Variants in UTRN observed in about 807,000 individuals in gnomAD.
UTRN encodes the protein dystrophin-related protein 1.
Under a neutral mutation model 463.9 loss-of-function variants are expected in UTRN, and 283 were observed. The observed-to-expected ratio is 0.61, with a 90% CI of 0.55 to 0.67. The LOEUF is 0.67. Among genes scored for constraint, UTRN ranks in the 30% least tolerant of loss-of-function variants. The pLI is 0.00. For missense variants in UTRN, 3,922 were observed against 4,084.3 expected, an observed-to-expected ratio of 0.96 and a Z score of 1.08; for synonymous variants, 1,442 against 1,431.5, an observed-to-expected ratio of 1.01 and a Z score of -0.17.
intron 39 of UTRN, among the ~76,000 whole-genome samples, chr6:144,518,708 T>C (rs1288529674): frequency 6.6e-6 from 1 of 152,216 alleles, no homozygotes; most frequent in Non-Finnish European, 1.5e-5. Context: ...CAGAAATTAT[T>C]ACTGGCACAA....
At chr6:144,840,906 G>C in intron 73 of UTRN, 74 bp downstream of exon 73, 1 of 1,507,032 alleles carries the variant, frequency 6.6e-7, no homozygotes, top group Non-Finnish European at 9.1e-7. Context: ...GCGGCCCTTC[G>C]CCTTCTTCCT....
intron 2 of UTRN, among the ~76,000 whole-genome samples, chr6:144,365,411 T>C (rs536070723): frequency 1.3e-5 from 2 of 152,296 alleles, no homozygotes; most frequent in African/African-American, 2.4e-5. Flanking sequence ...GAGTAGATCA[T>C]GAGGAGGAGA....
At chr6:144,494,614 T>G (rs770037473) in intron 33 of UTRN, among the ~76,000 whole-genome samples, 4 of 152,064 alleles carry the variant, frequency 2.6e-5, no homozygotes, top group Admixed American at 6.5e-5. Flanking sequence ...TAGAGACGAG[T>G]GGTCTGTTTT....
intron 26 of UTRN, among the ~76,000 whole-genome samples, chr6:144,481,125 G>A (rs1032817163): frequency 1.3e-5 from 2 of 151,872 alleles, no homozygotes; most frequent in Admixed American, 6.6e-5. Flanking sequence ...TATTTGATTG[G>A]GCAACATTTT....
At chr6:144,529,528 T>G (rs979672871) in intron 41 of UTRN, among the ~76,000 whole-genome samples, 2 of 152,204 alleles carry the variant, frequency 1.3e-5, no homozygotes, top group African/African-American at 4.8e-5. Flanking sequence ...ATTTTCAAAG[T>G]CTTTAGATCT....
At chr6:144,447,114 C>T in intron 14 of UTRN, 97 bp from the exon 15 acceptor site, 1 of 1,092,372 alleles carries the variant, frequency 9.2e-7, no homozygotes, top group Admixed American at 2.3e-5. Flanking sequence ...AAGGGTGAAG[C>T]CTCTAATAAA....
intron 17 of UTRN, among the ~76,000 whole-genome samples, chr6:144,450,874 A>G (rs942720173): frequency 1.3e-5 from 2 of 152,210 alleles, no homozygotes; most frequent in African/African-American, 2.4e-5. Context: ...CATGACTGTA[A>G]TCACAGCACT....
chr6:144,318,046 G>A (rs1333909175), intron 2 of UTRN, among the ~76,000 whole-genome samples: 1 of 151,692 alleles, frequency 6.6e-6, no homozygotes, highest in African/African-American at 2.4e-5. Context: ...TTCGGCTTAG[G>A]TACTCTGCTT....
At chr6:144,765,289 G>A (rs765914106) in intron 58 of UTRN, among the ~76,000 whole-genome samples, 11 of 152,144 alleles carry the variant, frequency 7.2e-5, no homozygotes, top group Non-Finnish European at 1.6e-4. Context: ...TGTAACAAAT[G>A]TTCTAGTAGT....
chr6:144,709,538 C>G (rs1019123209), intron 53 of UTRN, among the ~76,000 whole-genome samples: 1 of 152,122 alleles, frequency 6.6e-6, no homozygotes, highest in African/African-American at 2.4e-5. Flanking sequence ...TTTTTATTCC[C>G]TAAAAGTTCC....
intron 62 of UTRN, among the ~76,000 whole-genome samples, chr6:144,789,989 T>C (rs547831792): frequency 3.3e-5 from 5 of 152,322 alleles, no homozygotes; most frequent in African/African-American, 7.2e-5. Flanking sequence ...GGGCAGGTTA[T>C]GTGATTTCAT....
In UTRN at chr6:144,803,094, C is replaced by T; in HGVS notation, c.9304C>T (p.Arg3102Ter). 1 of 1,594,802 alleles carries T rather than the reference C, an allele frequency of 6.3e-7. No individual in the cohort carries two copies. ...CTGCCAGAGTTGTTTCTTTTCGGGT[C>T]GAACAGCAAAAGGTCACAAATTACA... ...DVCQSCFFSGRTAKGHKLHYP... is the reference protein window; with the variant it reads ...DVCQSCFFSG The change falls in exon 65 of 75, where the codon CGA becomes TGA. Residue 3102 changes from arginine to a stop codon, truncating the protein, a stop_gained. Transcript: ENST00000367545. LOFTEE classifies it high-confidence loss of function.
At chr6:144,850,857 C>T in intron 74 of UTRN, 132 bp from the exon 75 acceptor site, 3 of 1,235,346 alleles carry the variant, frequency 2.4e-6, no homozygotes, top group Non-Finnish European at 3.6e-6. Flanking sequence ...GACCTCATTG[C>T]AGGAAGCAAA....
At chr6:144,812,588 T>C (rs748582532) in intron 65 of UTRN, among the ~76,000 whole-genome samples, 1 of 152,216 alleles carries the variant, frequency 6.6e-6, no homozygotes, top group Non-Finnish European at 1.5e-5. Flanking sequence ...AAGCAAAAGA[T>C]AGAGTAACTC....
At chr6:144,521,557 T>A (rs1456069856) in intron 39 of UTRN, among the ~76,000 whole-genome samples, 2 of 152,214 alleles carry the variant, frequency 1.3e-5, no homozygotes, top group Non-Finnish European at 2.9e-5. Flanking sequence ...CTTATATTTT[T>A]AGCAATGAGG....
chr6:144,780,759 C>T (rs1258477695), intron 60 of UTRN, among the ~76,000 whole-genome samples: 18 of 152,290 alleles, frequency 1.2e-4, no homozygotes, highest in Admixed American at 9.2e-4. Flanking sequence ...GTTTCACTGC[C>T]GGCAAACACC....
intron 23 of UTRN, among the ~76,000 whole-genome samples, chr6:144,472,591 G>T (rs1325536335): frequency 6.6e-6 from 1 of 152,122 alleles, no homozygotes; most frequent in Non-Finnish European, 1.5e-5. Flanking sequence ...TCCAGAGCGT[G>T]TTGATCAGAG....
chr6:144,477,908 T>TATCTATCTATCC lies in UTRN; in HGVS notation c.3337-1901_3337-1900insTATCTATCCATC, dbSNP rs376542743. Reference sequence around the variant, plus strand: ...CTATCTATCTATCTATCTATCTATCTATCCATCCATCCACATACATATGGT... The same window carrying TATCTATCTATCC: ...CTATCTATCTATCTATCTATCTATCTATCTATCTATCCATCCATCCATCCACATACATATGGT... On this transcript the variant is annotated intron_variant, in intron 25 of 74. Coordinates refer to ENST00000367545, the MANE Select transcript of UTRN (RefSeq NM_007124.3). Among the ~76,000 whole-genome samples, 1,281 of 147,484 alleles carry TATCTATCTATCC rather than the reference T, an allele frequency of 8.7e-3. 8 individuals are homozygous for TATCTATCTATCC. Among genetic ancestry groups the TATCTATCTATCC allele is most frequent in the South Asian group, 0.028 (127 of 4,588 alleles).
intron 51 of UTRN, among the ~76,000 whole-genome samples, chr6:144,588,410 G>T (rs1802681257): frequency 6.6e-6 from 1 of 152,176 alleles, no homozygotes; most frequent in Non-Finnish European, 1.5e-5. Flanking sequence ...CTGATGCAAT[G>T]CTTTGTCACT....
Sources: gnomAD v4.1 joint callset for allele counts (sites outside exome capture counted in the v4.1 genomes callset) on GRCh38, gnomAD v4.1.1 for gene constraint, MANE v1.5 for transcripts, NCBI Gene and HGNC (gene_info 2026-07-23, HGNC 2026-07-21) for gene names.